Variants in SCP2 observed in about 807,000 individuals in gnomAD.
The protein encoded by SCP2 is sterol carrier protein 2, also known as SCP-2/3-oxoacyl-CoA thiolase.
A neutral mutation model predicts 71.4 loss-of-function variants in SCP2; 48 were observed. That is an observed-to-expected ratio of 0.67 (90% CI 0.53 to 0.86). SCP2 has a LOEUF of 0.86. Among genes scored for constraint, SCP2 ranks in the 40% least tolerant of loss-of-function variants. The pLI, the probability that SCP2 is intolerant of heterozygous loss-of-function variation, is 0.00. For synonymous variants in SCP2, 220 were observed against 218.1 expected, an observed-to-expected ratio of 1.01 and a Z score of -0.08; for missense variants, 560 against 655.6, an observed-to-expected ratio of 0.85 and a Z score of 1.59.
At position 52,980,467 on chromosome 1, in the gene SCP2, T is replaced by C. The variant is rs1284682767; in HGVS notation, c.897T>C (p.Ile299=). The change falls in exon 10 of 16, where the codon ATT becomes ATC. Residue 299 remains isoleucine, a synonymous_variant. Coordinates refer to ENST00000371514, the MANE Select transcript of SCP2 (RefSeq NM_002979.5). ...YEKSGLTPND[I]DVIELHDCFS... ...AATCTGGCCTGACACCAAATGATATTGACGTAATAGAACTTCACGATTGCT... is the reference window on the plus strand; with the variant it reads ...AATCTGGCCTGACACCAAATGATATCGACGTAATAGAACTTCACGATTGCT... The C allele has an allele frequency of 4.3e-6, 7 of 1,613,914 alleles. No individual in the cohort carries two copies. Among genetic ancestry groups the C allele is most frequent in the East Asian group, 2.2e-5 (1 of 44,872 alleles).
At chr1:52,957,952 G>C (rs940333617) in intron 5 of SCP2, among the ~76,000 whole-genome samples, 1 of 151,836 alleles carries the variant, frequency 6.6e-6, no homozygotes, top group Non-Finnish European at 1.5e-5. Context: ...TTTTTGTGAA[G>C]GGTGTAAGGT....
chr1:53,042,060 G>A (rs6682813), intron 14 of SCP2, among the ~76,000 whole-genome samples: 8,250 of 152,132 alleles, frequency 0.054, 702 homozygotes, highest in African/African-American at 0.19. Flanking sequence ...TAGGGCATCC[G>A]TCTAGTGTGG....
chr1:53,047,887 G>A lies in SCP2; in HGVS notation c.1498G>A (p.Ala500Thr). ...GAAGGCTGACTGCACAATCACAATG[G>A]CTGACTCAGACTTCCTGGCTTTAAT... ...DKKADCTITM[A>T]DSDFLALMTG... is the part of the protein sequence containing the mutation. The change falls in exon 15 of 16, where the codon GCT (alanine) becomes ACT (threonine). Residue 500 changes from alanine to threonine, a missense_variant. Transcript: ENST00000371514. 6.2e-7 allele frequency: 1 copy of A among 1,613,438 alleles called. No homozygotes were observed. Among genetic ancestry groups the A allele is most frequent in the Admixed American group, 1.7e-5 (1 of 60,018 alleles).
chr1:53,042,743 A>G (rs894673062), intron 14 of SCP2, among the ~76,000 whole-genome samples: 1 of 152,208 alleles, frequency 6.6e-6, no homozygotes, highest in South Asian at 2.1e-4. Context: ...TTCATTTGGC[A>G]TGTACATAAT....
At chr1:53,007,427 C>T (rs1261646541) in intron 11 of SCP2, among the ~76,000 whole-genome samples, 7 of 152,224 alleles carry the variant, frequency 4.6e-5, no homozygotes, top group Admixed American at 6.5e-5. Context: ...AACAAACTGT[C>T]TCTCAGACCA....
At chr1:52,936,913 A>C (rs568804426) in intron 1 of SCP2, among the ~76,000 whole-genome samples, 23 of 152,258 alleles carry the variant, frequency 1.5e-4, no homozygotes, top group Admixed American at 5.2e-4. Flanking sequence ...TTTGCCTTAA[A>C]ACAATTCATT....
chr1:53,036,019 C>CA (rs35164089), intron 13 of SCP2, among the ~76,000 whole-genome samples: 1,798 of 62,214 alleles, frequency 0.029, 36 homozygotes, highest in Non-Finnish European at 0.052. Flanking sequence ...GACTCCGTCT[C>CA]AAAAAAAAAA....
intron 6 of SCP2, among the ~76,000 whole-genome samples, chr1:52,964,436 G>A (rs1656765176): frequency 6.6e-6 from 1 of 151,760 alleles, no homozygotes; most frequent in Non-Finnish European, 1.5e-5. Context: ...TCCTGACCTC[G>A]TGATCCGCCC....
chr1:52,948,169 C>G, intron 3 of SCP2, 89 bp downstream of exon 3: 1 of 831,066 alleles, frequency 1.2e-6, no homozygotes. Context: ...TGAATTTTAA[C>G]CCTCAAAAAC....
intron 2 of SCP2, among the ~76,000 whole-genome samples, chr1:52,944,602 C>T (rs1054973603): frequency 1.3e-5 from 2 of 151,960 alleles, no homozygotes; most frequent in Non-Finnish European, 2.9e-5. Context: ...TATTTTTTGA[C>T]CAATTTCTTT....
chr1:52,964,327 G>A (rs749587346), intron 6 of SCP2, among the ~76,000 whole-genome samples: 1 of 149,568 alleles, frequency 6.7e-6, no homozygotes, highest in Non-Finnish European at 1.5e-5. Context: ...TCAGCCTCCC[G>A]AGTAGCTGGG....
intron 11 of SCP2, among the ~76,000 whole-genome samples, chr1:53,000,847 C>T (rs1660270384): frequency 6.6e-6 from 1 of 151,940 alleles, no homozygotes; most frequent in Non-Finnish European, 1.5e-5. Flanking sequence ...CCCAGCTACT[C>T]GGGAGCCTGA....
chr1:53,038,262 A>ATATATGT (rs1663167542), intron 13 of SCP2, among the ~76,000 whole-genome samples: 1 of 125,700 alleles, frequency 8.0e-6, no homozygotes, highest in African/African-American at 3.9e-5. Flanking sequence ...GTACACACAC[A>ATATATGT]CACACGGAGA....
chr1:52,997,335 A>G (rs1660005256), intron 11 of SCP2, among the ~76,000 whole-genome samples: 1 of 151,870 alleles, frequency 6.6e-6, no homozygotes, highest in Non-Finnish European at 1.5e-5. Context: ...TGCCCAGCTA[A>G]TTTTTGTATT....
intron 11 of SCP2, among the ~76,000 whole-genome samples, chr1:52,999,586 T>G (rs1175639338): frequency 6.6e-6 from 1 of 152,208 alleles, no homozygotes. Flanking sequence ...AAAAGAAAAT[T>G]GTAGTTTTCA....
At chr1:53,022,035 G>T (rs879458563) in intron 12 of SCP2, among the ~76,000 whole-genome samples, 1 of 152,154 alleles carries the variant, frequency 6.6e-6, no homozygotes, top group African/African-American at 2.4e-5. Flanking sequence ...TGTACGTTCA[G>T]TGGTTTTTAG....
chr1:52,942,571 A>G (rs1001390211), intron 2 of SCP2, among the ~76,000 whole-genome samples: 1 of 152,122 alleles, frequency 6.6e-6, no homozygotes. Context: ...TTTTTAAAAA[A>G]AGGGGACAAG....
At chr1:52,945,750 T>C (rs1489814958) in intron 2 of SCP2, among the ~76,000 whole-genome samples, 3 of 151,746 alleles carry the variant, frequency 2.0e-5, no homozygotes, top group Non-Finnish European at 4.4e-5. Flanking sequence ...GCATAATATA[T>C]ATATATATAT....
intron 12 of SCP2, among the ~76,000 whole-genome samples, chr1:53,018,279 A>T (rs1006321140): frequency 6.6e-6 from 1 of 152,090 alleles, no homozygotes; most frequent in Admixed American, 6.6e-5. Context: ...CATTTTGCCC[A>T]TTTGCTTTAT....
Sources: gnomAD v4.1 joint callset for allele counts (sites outside exome capture counted in the v4.1 genomes callset) on GRCh38, gnomAD v4.1.1 for gene constraint, MANE v1.5 for transcripts, NCBI Gene and HGNC (gene_info 2026-07-23, HGNC 2026-07-21) for gene names.